DLC1: variants seen among roughly 807,000 people sequenced by gnomAD.
The protein encoded by DLC1 is rho GTPase-activating protein 7.
In DLC1, 54 loss-of-function variants were observed where a neutral mutation model predicts 140.3. That is an observed-to-expected ratio of 0.38 (90% confidence interval 0.31 to 0.48). DLC1 has a LOEUF of 0.48. Among genes scored for constraint, DLC1 ranks in the 20% least tolerant of loss-of-function variants. The pLI is 0.96. For synonymous variants in DLC1, 986 were observed against 728.1 expected (o/e 1.35, Z -5.70); for missense variants, 2,536 against 1,907.0 (o/e 1.33, Z -6.14).
At chr8:13,179,231 T>C (rs1825911080) in intron 5 of DLC1, among the ~76,000 whole-genome samples, 1 of 151,028 alleles carries the variant, frequency 6.6e-6, no homozygotes, top group South Asian at 2.1e-4. Flanking sequence ...CTGTTAGAAA[T>C]CAGGAGCCTT....
intron 1 of DLC1, among the ~76,000 whole-genome samples, chr8:13,593,526 A>C (rs1488576750): frequency 6.6e-6 from 1 of 152,124 alleles, no homozygotes; most frequent in African/African-American, 2.4e-5. Context: ...AGTTCTAGGT[A>C]ACCTGGATGC....
rs1337767786 is a variant in DLC1 at position 13,335,395 on chromosome 8, G to A, written c.1315-30093C>T. Among the ~76,000 whole-genome samples the A allele has an allele frequency of 2.6e-5, 4 of 152,150 alleles. No individual in the cohort carries two copies. The South Asian group carries it at 8.3e-4, about 32-fold the overall frequency. ...AGGGTATAGAAACCAAGGACATGCT[G>A]ATCAACACTTTTCTCTACGGAATAC... On this transcript the variant is annotated intron_variant, in intron 4 of 17. Coordinates refer to ENST00000276297, the MANE Select transcript of DLC1 (RefSeq NM_182643.3).
At chr8:13,456,045 A>G (rs192247021) in intron 2 of DLC1, among the ~76,000 whole-genome samples, 2 of 152,318 alleles carry the variant, frequency 1.3e-5, no homozygotes, top group Non-Finnish European at 2.9e-5. Flanking sequence ...TGTTCTAAAG[A>G]ATTAAAAAGC....
chr8:13,173,190 G>A (rs907518613), intron 5 of DLC1, among the ~76,000 whole-genome samples: 1 of 152,060 alleles, frequency 6.6e-6, no homozygotes. Flanking sequence ...TGAGAGGTTT[G>A]GCTTCTTGCA....
At chr8:13,381,408 A>T (rs1221806898) in intron 4 of DLC1, among the ~76,000 whole-genome samples, 1 of 152,202 alleles carries the variant, frequency 6.6e-6, no homozygotes, top group African/African-American at 2.4e-5. Context: ...TCCTCCAGTG[A>T]TCTGTGTGTC....
Position 13,379,935 on chromosome 8 carries a change from A to T in DLC1, c.1314+13618T>A, listed in dbSNP as rs536210823. Among the ~76,000 whole-genome samples, 18 of 152,322 alleles carry T rather than the reference A, an allele frequency of 1.2e-4. No individual in the cohort carries two copies. In the South Asian group the frequency reaches 3.7e-3, roughly 32 times the overall value. On this transcript the variant is annotated intron_variant, in intron 4 of 17. Coordinates refer to ENST00000276297, the MANE Select transcript of DLC1 (RefSeq NM_182643.3). Reference sequence around the variant, plus strand: ...CCGCATGTTCTCACTCATATGTGGGAGCTGAACAATGAGAACACATAGACA... The same window carrying T: ...CCGCATGTTCTCACTCATATGTGGGTGCTGAACAATGAGAACACATAGACA...
intron 10 of DLC1, among the ~76,000 whole-genome samples, chr8:13,098,120 G>C (rs959771457): frequency 6.6e-6 from 1 of 151,140 alleles, no homozygotes; most frequent in African/African-American, 2.4e-5. Flanking sequence ...AGCCACTCTG[G>C]AGCCTCAGGT....
chr8:13,213,268 C>A (rs922728455), intron 5 of DLC1, among the ~76,000 whole-genome samples: 2 of 152,186 alleles, frequency 1.3e-5, no homozygotes, highest in African/African-American at 4.8e-5. Flanking sequence ...CCTGGGCCCA[C>A]TGTATAGAGG....
intron 2 of DLC1, among the ~76,000 whole-genome samples, chr8:13,408,944 T>C (rs1278994237): frequency 6.6e-6 from 1 of 152,162 alleles, no homozygotes; most frequent in East Asian, 1.9e-4. Flanking sequence ...TGATGATCCT[T>C]CCTTTGCCAT....
upstream of DLC1, among the ~76,000 whole-genome samples, chr8:13,519,321 G>C (rs990953354): frequency 6.6e-6 from 1 of 152,012 alleles, no homozygotes; most frequent in Non-Finnish European, 1.5e-5. Context: ...GTAGAGACGG[G>C]GTTTCACCGT....
intron 1 of DLC1, among the ~76,000 whole-genome samples, chr8:13,526,363 T>A (rs1355651960): frequency 6.6e-6 from 1 of 152,200 alleles, no homozygotes; most frequent in Non-Finnish European, 1.5e-5. Flanking sequence ...CTGTTGGGAT[T>A]TTGATCAATT....
chr8:13,275,457 A>G (rs1236985046), intron 5 of DLC1, among the ~76,000 whole-genome samples: 1 of 152,218 alleles, frequency 6.6e-6, no homozygotes, highest in Non-Finnish European at 1.5e-5. Flanking sequence ...ATCCATGTAG[A>G]CGGCATAGGA....
At chr8:13,254,168 C>G (rs1169149429) in intron 5 of DLC1, among the ~76,000 whole-genome samples, 1 of 148,638 alleles carries the variant, frequency 6.7e-6, no homozygotes, top group African/African-American at 2.5e-5. Flanking sequence ...CCCAACCCGA[C>G]CCCCTAAATA....
intron 1 of DLC1, among the ~76,000 whole-genome samples, chr8:13,543,242 G>A (rs1191443642): frequency 6.6e-6 from 1 of 151,934 alleles, no homozygotes; most frequent in Non-Finnish European, 1.5e-5. Flanking sequence ...TTTTTGTATT[G>A]TTAGCCATAA....
At chr8:13,087,236 T>C (rs946756966) in intron 16 of DLC1, among the ~76,000 whole-genome samples, 3 of 152,178 alleles carry the variant, frequency 2.0e-5, no homozygotes, top group Non-Finnish European at 4.4e-5. Flanking sequence ...ACCATGTCTC[T>C]ACCAGAAACA....
chr8:13,590,301 C>T (rs924679548), intron 1 of DLC1, among the ~76,000 whole-genome samples: 4 of 151,846 alleles, frequency 2.6e-5, no homozygotes, highest in Non-Finnish European at 4.4e-5. Flanking sequence ...ACCCACATCC[C>T]CAGTTTTTTT....
At chr8:13,415,016 G>A (rs148430342) in intron 2 of DLC1, among the ~76,000 whole-genome samples, 240 of 152,234 alleles carry the variant, frequency 1.6e-3, no homozygotes, top group East Asian at 8.0e-3. Context: ...GTTTCACCAT[G>A]TTGGTCAGGC....
At chr8:13,139,160 C>T (rs1822782209) in intron 5 of DLC1, among the ~76,000 whole-genome samples, 1 of 151,476 alleles carries the variant, frequency 6.6e-6, no homozygotes, top group Admixed American at 6.6e-5. Flanking sequence ...GGGCATGCTG[C>T]TCGCCTGTGT....
chr8:13,092,230 G>A (rs573829642), intron 13 of DLC1, among the ~76,000 whole-genome samples: 2 of 152,190 alleles, frequency 1.3e-5, no homozygotes, highest in Non-Finnish European at 2.9e-5. Flanking sequence ...GGGCAACAGA[G>A]CAAGACTCTG....
Sources: gnomAD v4.1 joint callset for allele counts (sites outside exome capture counted in the v4.1 genomes callset) on GRCh38, gnomAD v4.1.1 for gene constraint, MANE v1.5 for transcripts, NCBI Gene and HGNC (gene_info 2026-07-23, HGNC 2026-07-21) for gene names.